Variants in PNPLA5 observed in about 807,000 individuals in gnomAD.
PNPLA5 encodes patatin like domain 5, triacylglycerol lipase, also known as patatin-like phospholipase domain-containing protein 5.
In PNPLA5, 44 loss-of-function variants were observed where a neutral mutation model predicts 49.1. The observed-to-expected ratio is 0.90, with a 90% CI of 0.70 to 1.15. The LOEUF (loss-of-function observed/expected upper bound fraction) is 1.15. Among genes scored for constraint, PNPLA5 ranks in the 50% most tolerant of loss-of-function variants. PNPLA5 has a pLI of 0.00. For synonymous variants in PNPLA5, 243 were observed against 244.4 expected (o/e 0.99, Z 0.06); for missense variants, 603 against 564.0 (o/e 1.07, Z -0.70).
At chr22:43,888,279 G>T (rs1472347075) in intron 4 of PNPLA5, among the ~76,000 whole-genome samples, 1 of 151,852 alleles carries the variant, frequency 6.6e-6, no homozygotes, top group Non-Finnish European at 1.5e-5. Flanking sequence ...CGGAGTAAAT[G>T]AACATGACTT....
At position 43,880,459 on chromosome 22, in the gene PNPLA5, C is replaced by T. The variant is rs558484865; in HGVS notation, c.*336G>A. On this transcript the variant is annotated 3_prime_UTR_variant, in exon 9 of 9. Transcript: ENST00000216177. ...TTTCTCAATCTTCTGTGAGGTGCTC[C>T]GTGGGCAGCTCCACGGCAGAACAGG... 1.9e-4 allele frequency: 75 copies of T among 398,774 alleles called. No homozygotes were observed. In the South Asian group the frequency reaches 7.1e-3, roughly 38 times the overall value. The allele number at this position is 398,774 out of a possible 1,614,324, so 24.7% of individuals were successfully genotyped here. A position where few individuals can be genotyped will look rare whatever the true frequency, so the allele number is the denominator to read the frequency against.
chr22:43,891,360 C>G, intron 1 of PNPLA5, 66 bp from the exon 2 acceptor site: 1 of 1,484,488 alleles, frequency 6.7e-7, no homozygotes, highest in Admixed American at 2.4e-5. Flanking sequence ...TCCACACCCC[C>G]ACTGCCCTCC....
chr22:43,881,724 C>T (rs751814153), intron 7 of PNPLA5, 50 bp from the exon 8 acceptor site: 1 of 1,586,198 alleles, frequency 6.3e-7, no homozygotes, highest in African/African-American at 1.3e-5. Flanking sequence ...GGGGTGTGGC[C>T]CCACCAAGCC....
Position 43,889,851 on chromosome 22 carries a change from G to A in PNPLA5, c.440C>T (p.Thr147Ile). 6.2e-7 allele frequency: 1 copy of A among 1,613,654 alleles called. No homozygotes were observed. Among genetic ancestry groups the A allele is most frequent in the East Asian group, 2.2e-5 (1 of 44,878 alleles). The stretch of plus-strand genomic sequence containing the variant: ...CCCGCAGTAGAAAGGAAAGTATAAG[G>A]TGCAGACCAAGGCCTAGGAAGAGAA... ...CDELIQALVC[T>I]LYFPFYCGLI... The change falls in exon 3 of 9, where the codon ACC (threonine) becomes ATC (isoleucine). Residue 147 changes from threonine (T) to isoleucine (I), a missense_variant. Physicochemically the swap from Thr to Ile is moderately conservative, Grantham distance 89. Coordinates refer to ENST00000216177, the MANE Select transcript of PNPLA5 (RefSeq NM_138814.4).
rs202133329 is a variant in PNPLA5, at chr22:43,891,818, G to C, written c.63C>G (p.Gly21=). The part of the protein sequence containing the change: ...NLSFSGAGYL[G]AHHVGATECL... ...ATTCGGTGGCGCCCACGTGGTGGGC[G>C]CCCAGGTAGCCGGCGCCGGAGAAGG... The change falls in exon 1 of 9, where the codon GGC becomes GGG. Residue 21 remains glycine (G), a synonymous_variant. Coordinates refer to ENST00000216177, the MANE Select transcript of PNPLA5 (RefSeq NM_138814.4). 3.9e-6 allele frequency: 6 copies of C among 1,520,086 alleles called. No individual in the cohort carries two copies. The highest frequency in any genetic ancestry group is 4.4e-6 in the Non-Finnish European group (5 of 1,138,814). The allele number at this position is 1,520,086 out of a possible 1,614,324, so 94.2% of individuals were successfully genotyped here.
chr22:43,889,924 C>G, intron 2 of PNPLA5, 60 bp from the exon 3 acceptor site: 3 of 1,587,626 alleles, frequency 1.9e-6, no homozygotes, highest in Non-Finnish European at 2.6e-6. Flanking sequence ...TCAGAACCTT[C>G]CTAGGCACGG....
intron 6 of PNPLA5, 51 bp downstream of exon 6, chr22:43,886,252 C>G (rs977359885): frequency 6.5e-7 from 1 of 1,549,944 alleles, no homozygotes; most frequent in South Asian, 1.2e-5. Flanking sequence ...TGAGCCCGGG[C>G]CCCTGAGTGC....
At chr22:43,890,956 T>A in intron 2 of PNPLA5, 106 bp downstream of exon 2, 6 of 1,358,538 alleles carry the variant, frequency 4.4e-6, no homozygotes, top group Non-Finnish European at 6.0e-6. Flanking sequence ...CCGCCCTCCC[T>A]CCTTCCGCCC....
At chr22:43,881,819 G>T (rs1017724447) in intron 7 of PNPLA5, 145 bp from the exon 8 acceptor site, 136 of 1,416,660 alleles carry the variant, frequency 9.6e-5, no homozygotes, top group Non-Finnish European at 2.5e-5. Context: ...AGCAGCGTTG[G>T]CCACTGTTGC....
Position 43,889,828 on chromosome 22 carries a change from C to T in PNPLA5, c.463G>A (p.Gly155Arg), listed in dbSNP as rs537667259. Residue 155 changes from glycine to arginine, a missense_variant, in exon 3 of 9, where the codon GGG (glycine) becomes AGG (arginine). Gly to Arg is a moderately radical substitution (Grantham distance 125, BLOSUM62 -2). Coordinates refer to ENST00000216177, the MANE Select transcript of PNPLA5 (RefSeq NM_138814.4). ...CCTCTGAACTCGGGGGGGATCAGCC[C>T]GCAGTAGAAAGGAAAGTATAAGGTG... is the stretch of plus-strand genomic sequence containing the variant. The part of the protein sequence containing the change: ...VCTLYFPFYC[G>R]LIPPEFRGER... 19 of 1,613,400 alleles carry T rather than the reference C, an allele frequency of 1.2e-5. No homozygotes were observed. The highest frequency in any genetic ancestry group is 2.2e-5 in the East Asian group (1 of 44,882).
At chr22:43,883,269 C>T (rs1278677983) in intron 7 of PNPLA5, among the ~76,000 whole-genome samples, 1 of 152,114 alleles carries the variant, frequency 6.6e-6, no homozygotes, top group Non-Finnish European at 1.5e-5. Context: ...CCCAGGGAAC[C>T]TCTAGGTGGC....
Position 43,889,847 on chromosome 22 carries a change from T to A in PNPLA5, c.444A>T (p.Leu148Phe). The A allele has an allele frequency of 6.2e-7, 1 of 1,613,628 alleles. No individual in the cohort carries two copies. Among genetic ancestry groups the A allele is most frequent in the Non-Finnish European group, 8.5e-7 (1 of 1,179,880 alleles). ...TCAGCCCGCAGTAGAAAGGAAAGTA[T>A]AAGGTGCAGACCAAGGCCTAGGAAG... ...DELIQALVCT[L>F]YFPFYCGLIP... The change falls in exon 3 of 9, where the codon TTA (leucine) becomes TTT (phenylalanine). Residue 148 changes from leucine (L) to phenylalanine (F), a missense_variant. Physicochemically the swap from Leu to Phe is conservative, Grantham distance 22. Transcript: ENST00000216177.
chr22:43,885,657 C>T (rs889163284), intron 6 of PNPLA5, among the ~76,000 whole-genome samples: 2 of 152,170 alleles, frequency 1.3e-5, no homozygotes, highest in African/African-American at 4.8e-5. Context: ...TCACCCCCCA[C>T]CATCGTTACA....
At chr22:43,889,222 C>T in intron 4 of PNPLA5, 107 bp downstream of exon 4, 1 of 1,291,986 alleles carries the variant, frequency 7.7e-7, no homozygotes, top group African/African-American at 1.5e-5. Context: ...TGTGTTGTAA[C>T]TGCCTTCAGG....
intron 8 of PNPLA5, among the ~76,000 whole-genome samples, chr22:43,881,223 A>G (rs1337743804): frequency 6.6e-6 from 1 of 152,202 alleles, no homozygotes; most frequent in African/African-American, 2.4e-5. Flanking sequence ...AGCCTCGTCC[A>G]AGGTCACGTG....
rs747276847 is a variant in PNPLA5 at position 43,891,104 on chromosome 22, G to A, written c.384C>T (p.Asn128=). 3.1e-6 allele frequency: 5 copies of A among 1,610,868 alleles called. No homozygotes were observed. Among genetic ancestry groups the A allele is most frequent in the Non-Finnish European group, 4.2e-6 (5 of 1,178,550 alleles). Residue 128 remains asparagine (N), a synonymous_variant, in exon 2 of 9, where the codon AAC becomes AAT. Transcript: ENST00000216177. ...ISLTRWPDGR[N]FLVTDFATCD... is the part of the protein sequence containing the mutation. ...AGGTGGCGAAGTCAGTGACCAAGAA[G>A]TTGCGTCCGTCAGGCCAGCGGGTCA... is the stretch of plus-strand genomic sequence containing the variant.
chr22:43,889,875 A>G lies in PNPLA5; in HGVS notation c.427-11T>C, dbSNP rs1361406118. On this transcript the variant is annotated splice_polypyrimidine_tract_variant and intron_variant, in intron 2 of 8. Transcript: ENST00000216177. ...GGTGCAGACCAAGGCCTAGGAAGAG[A>G]AGAGTCAGCAGGAACACAACTGTGC... 1.2e-6 allele frequency: 2 copies of G among 1,613,370 alleles called. No homozygotes were observed. Among genetic ancestry groups the G allele is most frequent in the South Asian group, 1.1e-5 (1 of 90,872 alleles).
intron 8 of PNPLA5, 75 bp from the exon 9 acceptor site, chr22:43,880,960 G>A (rs1021001663): frequency 1.5e-5 from 19 of 1,274,260 alleles, no homozygotes; most frequent in African/African-American, 6.1e-5. Flanking sequence ...GGGTGCAGGC[G>A]CAGCCACAGT....
intron 5 of PNPLA5, 41 bp downstream of exon 5, chr22:43,887,550 T>C (rs1426722787): frequency 1.3e-6 from 2 of 1,598,428 alleles, no homozygotes; most frequent in South Asian, 2.3e-5. Flanking sequence ...CCTGGCACCA[T>C]GTGGGACATG....
Sources: gnomAD v4.1 joint callset for allele counts (sites outside exome capture counted in the v4.1 genomes callset) on GRCh38, gnomAD v4.1.1 for gene constraint, MANE v1.5 for transcripts, NCBI Gene and HGNC (gene_info 2026-07-23, HGNC 2026-07-21) for gene names.